PCDH9: variants seen among roughly 807,000 people sequenced by gnomAD.
PCDH9 encodes protocadherin-9.
Under a neutral mutation model 70.6 loss-of-function variants are expected in PCDH9, and 24 were observed. The ratio of observed to expected loss-of-function variants is 0.34; its 90% CI spans 0.25 to 0.48. The LOEUF is 0.48. Ranked by LOEUF, PCDH9 falls within the 20% of genes least tolerant of loss-of-function variation. The pLI is 0.99. For missense variants in PCDH9, 1,281 were observed against 1,503.6 expected, an observed-to-expected ratio of 0.85 and a Z score of 2.45; for synonymous variants, 562 against 558.5, an observed-to-expected ratio of 1.01 and a Z score of -0.09.
Position 66,764,112 on chromosome 13 carries a change from CA to C in PCDH9, c.3139-132702del, listed in dbSNP as rs1304744356. Among the ~76,000 whole-genome samples the C allele has an allele frequency of 2.0e-5, 3 of 151,940 alleles. No individual in the cohort carries two copies. The East Asian group carries it at 5.8e-4, about 29-fold the overall frequency. On this transcript the variant is annotated intron_variant, in intron 3 of 4. Transcript: ENST00000377865. Reference sequence around the variant, plus strand: ...CCGCGCCAGGCCTATTTAATCTCTTCAAAAGTTAAAATTGGGCAATTATATG... The same window carrying C: ...CCGCGCCAGGCCTATTTAATCTCTTCAAAGTTAAAATTGGGCAATTATATG...
intron 2 of PCDH9, among the ~76,000 whole-genome samples, chr13:66,973,290 T>C (rs1474058443): frequency 6.6e-6 from 1 of 152,038 alleles, no homozygotes; most frequent in Non-Finnish European, 1.5e-5. Context: ...AATGCTTTAG[T>C]CCTTCAGAAA....
rs556179848 is a variant in PCDH9 at position 66,563,473 on chromosome 13, C to T, written c.3340+67737G>A. ...TAGCCACAACGATCTATTACAATTA[C>T]AAATGAGAGCATGTCTTTTCCCTGC... is the stretch of plus-strand genomic sequence containing the variant. On this transcript the variant is annotated intron_variant, in intron 4 of 4. Coordinates refer to ENST00000377865, the MANE Select transcript of PCDH9 (RefSeq NM_203487.3). 3.3e-5 allele frequency among the ~76,000 whole-genome samples: 5 copies of T among 152,268 alleles called. No homozygotes were observed. In the South Asian group the frequency reaches 1.0e-3, roughly 32 times the overall value.
chr13:66,376,126 TAGAA>T (rs1375172336), intron 4 of PCDH9, among the ~76,000 whole-genome samples: 1 of 151,998 alleles, frequency 6.6e-6, no homozygotes, highest in Admixed American at 6.6e-5. Flanking sequence ...CTACCAAAAA[TAGAA>T]GGAATTAAAC....
At chr13:66,322,716 A>G (rs1043351597) in intron 4 of PCDH9, among the ~76,000 whole-genome samples, 1 of 152,052 alleles carries the variant, frequency 6.6e-6, no homozygotes, top group Admixed American at 6.6e-5. Flanking sequence ...TCTAAGAATC[A>G]ATGACATGAA....
At chr13:66,833,926 T>C (rs1369463332) in intron 3 of PCDH9, among the ~76,000 whole-genome samples, 3 of 152,178 alleles carry the variant, frequency 2.0e-5, no homozygotes, top group African/African-American at 7.2e-5. Context: ...GCTGGTTGAA[T>C]AGCTGATAAT....
At chr13:66,620,915 C>T (rs1188362837) in intron 4 of PCDH9, among the ~76,000 whole-genome samples, 3 of 152,108 alleles carry the variant, frequency 2.0e-5, no homozygotes, top group South Asian at 2.1e-4. Context: ...TCCCCCAAAC[C>T]TAACGTACTA....
At chr13:66,795,488 TG>T (rs2080227285) in intron 3 of PCDH9, among the ~76,000 whole-genome samples, 1 of 152,168 alleles carries the variant, frequency 6.6e-6, no homozygotes, top group Non-Finnish European at 1.5e-5. Flanking sequence ...GATATATGAC[TG>T]GGGGAAAATA....
chr13:67,085,649 T>G (rs543840834), intron 2 of PCDH9, among the ~76,000 whole-genome samples: 2 of 152,306 alleles, frequency 1.3e-5, no homozygotes, highest in South Asian at 4.1e-4. Flanking sequence ...AGTTATTGAA[T>G]GTGCTTATTT....
intron 4 of PCDH9, among the ~76,000 whole-genome samples, chr13:66,566,223 T>C (rs1252075823): frequency 6.6e-6 from 1 of 152,170 alleles, no homozygotes; most frequent in African/African-American, 2.4e-5. Context: ...GAAAATACTT[T>C]GTAGGAATGT....
chr13:66,479,877 G>A (rs1274131797), intron 4 of PCDH9, among the ~76,000 whole-genome samples: 2 of 152,178 alleles, frequency 1.3e-5, no homozygotes, highest in African/African-American at 4.8e-5. Context: ...ACGTGGGCAG[G>A]GACAAATAAG....
intron 2 of PCDH9, among the ~76,000 whole-genome samples, chr13:66,966,412 G>GTGTGTACA (rs1400148208): frequency 6.6e-6 from 1 of 152,046 alleles, no homozygotes; most frequent in Non-Finnish European, 1.5e-5. Flanking sequence ...CTAAATGAAG[G>GTGTGTACA]TGTGTACATA....
chr13:66,869,821 T>G (rs568777475), intron 3 of PCDH9, among the ~76,000 whole-genome samples: 1 of 152,120 alleles, frequency 6.6e-6, no homozygotes, highest in African/African-American at 2.4e-5. Flanking sequence ...TCACTACTAT[T>G]TCCTTAGTAG....
At chr13:66,847,553 A>T (rs2081233398) in intron 3 of PCDH9, among the ~76,000 whole-genome samples, 1 of 152,156 alleles carries the variant, frequency 6.6e-6, no homozygotes. Flanking sequence ...ATTCATTCTT[A>T]CAGATCTTAG....
intron 2 of PCDH9, among the ~76,000 whole-genome samples, chr13:66,980,078 CTCTA>C (rs34374674): frequency 0.29 from 42,736 of 146,970 alleles, 6,189 homozygotes; most frequent in Admixed American, 0.32. Context: ...AATTATCCAT[CTCTA>C]TCTATCTATC....
intron 2 of PCDH9, among the ~76,000 whole-genome samples, chr13:67,002,650 A>T (rs2084268392): frequency 6.6e-6 from 1 of 152,002 alleles, no homozygotes; most frequent in Admixed American, 6.6e-5. Context: ...GATGTGCTAA[A>T]TCTAATTTCT....
chr13:66,565,242 G>C lies in PCDH9; in HGVS notation c.3340+65968C>G, dbSNP rs553306902. Among the ~76,000 whole-genome samples, 7 of 152,248 alleles carry C rather than the reference G, an allele frequency of 4.6e-5. No homozygotes were observed. The South Asian group carries it at 1.2e-3, about 27-fold the overall frequency. On this transcript the variant is annotated intron_variant, in intron 4 of 4. Coordinates refer to ENST00000377865, the MANE Select transcript of PCDH9 (RefSeq NM_203487.3). ...GTATCAGTAGACTTTGAAACTCCAA[G>C]AATGTTTTCACCCTTATGCTGAGAA...
chr13:66,998,041 T>G (rs921574284), intron 2 of PCDH9, among the ~76,000 whole-genome samples: 10 of 152,186 alleles, frequency 6.6e-5, no homozygotes, highest in African/African-American at 2.4e-4. Flanking sequence ...AGATTGTGAT[T>G]TTTGATATTA....
At chr13:67,062,803 G>T (rs1276307689) in intron 2 of PCDH9, among the ~76,000 whole-genome samples, 2 of 152,136 alleles carry the variant, frequency 1.3e-5, no homozygotes, top group Admixed American at 6.6e-5. Context: ...TAATTAAATT[G>T]ATGATGTAGA....
intron 2 of PCDH9, among the ~76,000 whole-genome samples, chr13:67,181,686 G>A (rs1444938911): frequency 6.6e-6 from 1 of 152,074 alleles, no homozygotes; most frequent in Non-Finnish European, 1.5e-5. Flanking sequence ...ATCTTGGAAA[G>A]AAGGAGGGAC....
Sources: gnomAD v4.1 joint callset for allele counts (sites outside exome capture counted in the v4.1 genomes callset) on GRCh38, gnomAD v4.1.1 for gene constraint, MANE v1.5 for transcripts, NCBI Gene and HGNC (gene_info 2026-07-23, HGNC 2026-07-21) for gene names.